METAP1: variants seen among roughly 807,000 people sequenced by gnomAD.
The protein encoded by METAP1 is methionyl aminopeptidase 1.
Under a neutral mutation model 53.8 loss-of-function variants are expected in METAP1, and 28 were observed. The ratio of observed to expected loss-of-function variants is 0.52; its 90% CI spans 0.39 to 0.71. The LOEUF (loss-of-function observed/expected upper bound fraction) is 0.71, where lower values mean the gene tolerates loss of function less well. Among genes scored for constraint, METAP1 ranks in the 30% least tolerant of loss-of-function variants. METAP1 has a pLI of 0.00. For missense variants in METAP1, 389 were observed against 479.8 expected (o/e 0.81, Z 1.77); for synonymous variants, 181 against 165.7 (o/e 1.09, Z -0.71).
At chr4:99,011,590 G>A (rs1723469619) in intron 1 of METAP1, among the ~76,000 whole-genome samples, 1 of 152,168 alleles carries the variant, frequency 6.6e-6, no homozygotes, top group African/African-American at 2.4e-5. Context: ...ATATTTATAA[G>A]GGATACTGGT....
intron 1 of METAP1, among the ~76,000 whole-genome samples, chr4:99,022,101 G>T (rs1724151179): frequency 6.6e-6 from 1 of 152,204 alleles, no homozygotes; most frequent in African/African-American, 2.4e-5. Context: ...TCATAATCAT[G>T]CTAGTATGAC....
rs571036181 is a variant in METAP1 at position 99,041,115 on chromosome 4, G to A, written c.505G>A (p.Ala169Thr). 5.6e-6 allele frequency: 9 copies of A among 1,599,582 alleles called. No individual in the cohort carries two copies. The highest frequency in any genetic ancestry group is 3.4e-5 in the Admixed American group (2 of 59,422). Residue 169 changes from alanine (A) to threonine (T), a missense_variant, in exon 6 of 11, where the codon GCT becomes ACT. Transcript: ENST00000296411. The part of the protein sequence containing the change: ...PGVTTEEIDH[A>T]VHLACIARNC... ...TGTAACTACTGAAGAAATAGATCAC[G>A]CTGTACACTTAGTAAGAACTTCACT...
intron 2 of METAP1, chr4:99,031,417 A>G: frequency 7.9e-7 from 1 of 1,263,588 alleles, no homozygotes; most frequent in Non-Finnish European, 1.0e-6. Flanking sequence ...TTAAGGTATA[A>G]AAGCCGCATT....
chr4:99,034,369 C>T (rs772406294), intron 3 of METAP1, 27 bp downstream of exon 3: 6 of 1,310,980 alleles, frequency 4.6e-6, no homozygotes, highest in East Asian at 5.0e-5. Context: ...ATAAAAACAA[C>T]ATTCCAATTT....
chr4:99,004,851 G>T (rs1723105975), intron 1 of METAP1, among the ~76,000 whole-genome samples: 2 of 151,932 alleles, frequency 1.3e-5, no homozygotes, highest in African/African-American at 4.8e-5. Flanking sequence ...TGTAGCTCTG[G>T]TTCATTTTCA....
intron 1 of METAP1, among the ~76,000 whole-genome samples, chr4:99,011,746 C>T (rs62323251): frequency 0.022 from 3,337 of 152,122 alleles, 47 homozygotes; most frequent in Non-Finnish European, 0.035. Flanking sequence ...TTCGAGACCA[C>T]CCTGACCAAC....
chr4:99,025,366 G>A (rs1389013444), intron 1 of METAP1: 1 of 985,078 alleles, frequency 1.0e-6, no homozygotes, highest in African/African-American at 1.7e-5. Context: ...AGCGATTTCA[G>A]TAGGAAATAA....
intron 1 of METAP1, chr4:99,022,904 A>G (rs1724239488): frequency 4.0e-6 from 6 of 1,509,394 alleles, no homozygotes; most frequent in Non-Finnish European, 5.4e-6. Context: ...CCTCAGCCTG[A>G]AAGAACGCAT....
At chr4:99,023,931 C>A in intron 1 of METAP1, 1 of 341,416 alleles carries the variant, frequency 2.9e-6, no homozygotes, top group Non-Finnish European at 4.1e-6. Flanking sequence ...TTACTCAAAT[C>A]AGTCTCCTCG....
intron 1 of METAP1, among the ~76,000 whole-genome samples, chr4:99,021,175 G>A (rs1165922317): frequency 6.6e-6 from 1 of 152,096 alleles, no homozygotes; most frequent in African/African-American, 2.4e-5. Context: ...TCCCTGTTCT[G>A]AAGATAATCC....
chr4:99,015,465 G>A (rs576701812), intron 1 of METAP1, among the ~76,000 whole-genome samples: 1 of 152,154 alleles, frequency 6.6e-6, no homozygotes, highest in African/African-American at 2.4e-5. Flanking sequence ...ATTAAGAATA[G>A]GGTTACACTG....
chr4:99,056,325 A>G (rs535615043), intron 9 of METAP1, among the ~76,000 whole-genome samples: 4 of 152,266 alleles, frequency 2.6e-5, no homozygotes, highest in Non-Finnish European at 4.4e-5. Flanking sequence ...ATTTTTGTCT[A>G]AAAAAGCCTA....
chr4:99,035,726 TA>T (rs2110349613), intron 4 of METAP1, among the ~76,000 whole-genome samples: 1 of 152,128 alleles, frequency 6.6e-6, no homozygotes, highest in African/African-American at 2.4e-5. Context: ...CTAGACTTAC[TA>T]AAAAACAGTT....
chr4:99,040,657 C>CTTT (rs11308360), intron 5 of METAP1, among the ~76,000 whole-genome samples: 2 of 133,954 alleles, frequency 1.5e-5, no homozygotes, highest in African/African-American at 5.5e-5. Flanking sequence ...CACCTGACTA[C>CTTT]TTTTTTTTTT....
intron 1 of METAP1, chr4:99,022,999 G>A: frequency 6.8e-7 from 1 of 1,466,522 alleles, no homozygotes; most frequent in African/African-American, 1.4e-5. Context: ...CACAATACCT[G>A]GCACTACCCG....
chr4:99,031,748 C>T (rs1343165101), intron 2 of METAP1: 1 of 515,550 alleles, frequency 1.9e-6, no homozygotes, highest in Non-Finnish European at 3.4e-6. Context: ...AAAGCTTAGA[C>T]ATCTGTAGTT....
At chr4:99,049,038 G>A (rs1289278405) in intron 9 of METAP1, among the ~76,000 whole-genome samples, 162 bp downstream of exon 9, 2 of 152,174 alleles carry the variant, frequency 1.3e-5, no homozygotes, top group African/African-American at 4.8e-5. Context: ...GTGCAAGTTC[G>A]TATCTTACTC....
chr4:99,054,829 GGAGCCTTCA>G (rs1294774903), intron 9 of METAP1, among the ~76,000 whole-genome samples: 1 of 152,126 alleles, frequency 6.6e-6, no homozygotes, highest in African/African-American at 2.4e-5. Flanking sequence ...GCAGGCTGAT[GGAGCCTTCA>G]GAACACACAC....
chr4:99,003,954 T>C (rs764525399), intron 1 of METAP1, among the ~76,000 whole-genome samples: 10 of 152,212 alleles, frequency 6.6e-5, no homozygotes, highest in Non-Finnish European at 1.2e-4. Flanking sequence ...GTCACGAGTT[T>C]GGGCCTCCGG....
Sources: gnomAD v4.1 joint callset for allele counts (sites outside exome capture counted in the v4.1 genomes callset) on GRCh38, gnomAD v4.1.1 for gene constraint, MANE v1.5 for transcripts, NCBI Gene and HGNC (gene_info 2026-07-23, HGNC 2026-07-21) for gene names.